KDM2B: variants seen among roughly 807,000 people sequenced by gnomAD.
The protein encoded by KDM2B is lysine demethylase 2B, also known as lysine-specific demethylase 2B.
KDM2B carries 26 observed loss-of-function variants against 150.0 expected under a neutral mutation model. The observed-to-expected ratio is 0.17, with a 90% confidence interval of 0.13 to 0.24. The LOEUF is 0.24. Ranked by LOEUF, KDM2B falls within the 10% of genes least tolerant of loss-of-function variation. KDM2B has a pLI of 1.00. For synonymous variants in KDM2B, 734 were observed against 729.5 expected (o/e 1.01, Z -0.10); for missense variants, 1,265 against 1,816.9 (o/e 0.70, Z 5.52).
chr12:121,551,509 C>T (rs1159914817), intron 4 of KDM2B, among the ~76,000 whole-genome samples: 2 of 151,918 alleles, frequency 1.3e-5, no homozygotes, highest in African/African-American at 4.8e-5. Flanking sequence ...CCACATCCAA[C>T]CAGGTTTTTA....
chr12:121,460,709 A>T (rs140446646), intron 12 of KDM2B, among the ~76,000 whole-genome samples: 12 of 152,226 alleles, frequency 7.9e-5, no homozygotes, highest in Admixed American at 1.3e-4. Context: ...AACCTGGCCA[A>T]AAGGTAACAC....
rs782724391 is a variant in KDM2B at position 121,430,016 on chromosome 12, C to T, written c.*272G>A. On this transcript the variant is annotated 3_prime_UTR_variant, in exon 23 of 23. Transcript: ENST00000377071. The surrounding 1 kb of genome is among the most constrained non-coding windows in gnomAD (Gnocchi z 4.4). The stretch of plus-strand genomic sequence containing the variant: ...GTATGAGAATTTCTCCGAAGTCCAC[C>T]CTCCTCTCCGACAGGAATGTCTTCT... The T allele has an allele frequency of 1.7e-5, 18 of 1,031,198 alleles. No individual in the cohort carries two copies. The highest frequency in any genetic ancestry group is 2.6e-5 in the Non-Finnish European group (17 of 649,952). 63.9% of individuals were successfully genotyped at this position (1,031,198 alleles called of 1,614,324 possible). A position where few individuals can be genotyped will look rare whatever the true frequency, so the allele number is the denominator to read the frequency against.
Position 121,442,742 on chromosome 12 carries a change from G to A in KDM2B, c.2699C>T (p.Ala900Val), listed in dbSNP as rs1555288888. 6.4e-6 allele frequency: 10 copies of A among 1,556,794 alleles called. No individual in the cohort carries two copies. Among genetic ancestry groups the A allele is most frequent in the East Asian group, 4.5e-5 (2 of 44,474 alleles). Residue 900 changes from alanine (A) to valine (V), a missense_variant, in exon 19 of 23, where the codon GCG becomes GTG. Coordinates refer to ENST00000377071, the MANE Select transcript of KDM2B (RefSeq NM_032590.5). The surrounding 1 kb of genome is among the most constrained non-coding windows in gnomAD (Gnocchi z 7.7). ...GTCGCTCTCCCTGGTCTTGGGGGGC[G>A]CCTCGGGCAGTTCGTCCTCGGGTTC... ...KQEPEDELPE[A>V]PPKTRESDHS...
At chr12:121,565,694 G>A (rs1890652648) in intron 4 of KDM2B, among the ~76,000 whole-genome samples, 2 of 151,784 alleles carry the variant, frequency 1.3e-5, no homozygotes, top group East Asian at 3.9e-4. Flanking sequence ...GCGCAATCTT[G>A]GCTCACTGCA....
intron 4 of KDM2B, among the ~76,000 whole-genome samples, chr12:121,553,049 G>A (rs1055544542): frequency 4.6e-5 from 7 of 152,002 alleles, no homozygotes; most frequent in African/African-American, 1.2e-4. Flanking sequence ...TGGCTAACAC[G>A]GTGAAACCCC....
chr12:121,433,621 A>T (rs1309565098), intron 22 of KDM2B, among the ~76,000 whole-genome samples: 1 of 152,280 alleles, frequency 6.6e-6, no homozygotes, highest in Non-Finnish European at 1.5e-5. Context: ...GTCAAGACTT[A>T]ATACAGATGT....
chr12:121,579,495 C>T (rs1891774344), intron 1 of KDM2B: 1 of 934,296 alleles, frequency 1.1e-6, no homozygotes, highest in Non-Finnish European at 1.5e-6. Flanking sequence ...CCCCAGCCGC[C>T]CCCGCCGCCC....
At chr12:121,420,574 C>G in the KDM2B span, 2 of 1,614,014 alleles carry the variant, frequency 1.2e-6, no homozygotes, top group Non-Finnish European at 1.7e-6. Flanking sequence ...TCTGTGGTTT[C>G]AGAACCCCGG....
At chr12:121,417,371 C>A in the KDM2B span, 1 of 707,336 alleles carries the variant, frequency 1.4e-6, no homozygotes, top group South Asian at 2.0e-5. The surrounding 1 kb of genome is among the most constrained non-coding windows in gnomAD (Gnocchi z 5.0). Flanking sequence ...ATGAAAATAC[C>A]TCTGGAAATA....
intron 12 of KDM2B, chr12:121,494,330 G>A (rs1314848265): frequency 9.2e-6 from 4 of 436,340 alleles, no homozygotes; most frequent in Admixed American, 8.4e-5. Context: ...AGGGAAAGGC[G>A]AGGTGTCAGC....
chr12:121,550,883 T>C (rs1889433842), intron 4 of KDM2B, among the ~76,000 whole-genome samples: 1 of 152,148 alleles, frequency 6.6e-6, no homozygotes, highest in Non-Finnish European at 1.5e-5. Context: ...AAGAATACTA[T>C]TTTGTGATAT....
chr12:121,507,971 A>C (rs1885241514), intron 11 of KDM2B, among the ~76,000 whole-genome samples: 1 of 152,168 alleles, frequency 6.6e-6, no homozygotes, highest in South Asian at 2.1e-4. Context: ...AGCTCGCACC[A>C]CTGCATTCCA....
intron 12 of KDM2B, among the ~76,000 whole-genome samples, chr12:121,484,300 C>T: frequency 6.6e-6 from 1 of 152,048 alleles, no homozygotes; most frequent in Non-Finnish European, 1.5e-5. Context: ...TGGGTTGGGG[C>T]TGGCATGGAG....
chr12:121,575,812 T>C lies in KDM2B; in HGVS notation c.319A>G (p.Ile107Val), dbSNP rs376890118. 5.6e-6 allele frequency: 9 copies of C among 1,613,432 alleles called. No individual in the cohort carries two copies. The highest frequency in any genetic ancestry group is 2.7e-5 in the African/African-American group (2 of 74,928). ...VQREALRVPL[I>V]FREKDGLGIK... ...CCCAGTCCATCCTTTTCTCGAAATA[T>C]CAGGGGAACCCTGAGAGCTTCTCTC... is the stretch of plus-strand genomic sequence containing the variant. The change falls in exon 3 of 23, where the codon ATA becomes GTA. Residue 107 changes from isoleucine (I) to valine (V), a missense_variant. Coordinates refer to ENST00000377071, the MANE Select transcript of KDM2B (RefSeq NM_032590.5). The surrounding 1 kb of genome is among the most constrained non-coding windows in gnomAD (Gnocchi z 4.4).
chr12:121,489,086 G>T (rs566326290), intron 12 of KDM2B, among the ~76,000 whole-genome samples: 1 of 152,018 alleles, frequency 6.6e-6, no homozygotes, highest in African/African-American at 2.4e-5. Context: ...GCAATTACAG[G>T]TATGAGCCAC....
chr12:121,462,735 G>T (rs571702515), intron 12 of KDM2B, among the ~76,000 whole-genome samples: 5 of 151,800 alleles, frequency 3.3e-5, no homozygotes, highest in African/African-American at 9.7e-5. Flanking sequence ...CTTGTGATTC[G>T]CCCGTCTCAG....
chr12:121,564,788 C>T (rs1890578961), intron 4 of KDM2B, among the ~76,000 whole-genome samples: 1 of 151,852 alleles, frequency 6.6e-6, no homozygotes, highest in Non-Finnish European at 1.5e-5. Context: ...TATGGAAACA[C>T]AAAGGGTCAC....
upstream of KDM2B, among the ~76,000 whole-genome samples, chr12:121,581,856 G>A (rs191342492): frequency 5.3e-5 from 8 of 152,248 alleles, no homozygotes; most frequent in Admixed American, 2.6e-4. Flanking sequence ...CGTATTGGCC[G>A]TCCTAAGAGA....
chr12:121,463,941 C>A (rs1879467243), intron 12 of KDM2B, among the ~76,000 whole-genome samples: 1 of 151,334 alleles, frequency 6.6e-6, no homozygotes, highest in African/African-American at 2.4e-5. Context: ...AAAAAAAAAA[C>A]TGGCCAGGCG....
Sources: gnomAD v4.1 joint callset for allele counts (sites outside exome capture counted in the v4.1 genomes callset) on GRCh38, gnomAD v4.1.1 for gene constraint, Gnocchi (gnomAD v3.1) non-coding constraint, MANE v1.5 for transcripts, NCBI Gene and HGNC (gene_info 2026-07-23, HGNC 2026-07-21) for gene names.